Variants in ST6GALNAC5 observed in about 807,000 individuals in gnomAD.
The protein encoded by ST6GALNAC5 is alpha-N-acetylgalactosaminide alpha-2,6-sialyltransferase 5.
Under a neutral mutation model 33.6 loss-of-function variants are expected in ST6GALNAC5, and 27 were observed. That is an observed-to-expected ratio of 0.80 (90% confidence interval 0.59 to 1.11). The LOEUF (loss-of-function observed/expected upper bound fraction) is 1.11, where lower values mean the gene tolerates loss of function less well. Among genes scored for constraint, ST6GALNAC5 ranks in the 50% least tolerant of loss-of-function variants. ST6GALNAC5 has a pLI of 0.00. For synonymous variants in ST6GALNAC5, 194 were observed against 171.2 expected (o/e 1.13, Z -1.04); for missense variants, 428 against 454.0 (o/e 0.94, Z 0.52).
intron 2 of ST6GALNAC5, among the ~76,000 whole-genome samples, chr1:77,006,878 A>G (rs80232210): frequency 1.3e-5 from 2 of 152,244 alleles, no homozygotes; most frequent in African/African-American, 4.8e-5. Context: ...CTGTTCTCAG[A>G]TGGCCTCAGT....
intron 2 of ST6GALNAC5, among the ~76,000 whole-genome samples, chr1:76,968,055 T>G (rs1290196176): frequency 6.6e-6 from 1 of 152,158 alleles, no homozygotes; most frequent in South Asian, 2.1e-4. Context: ...GAATGTATAT[T>G]CTGTTGATTT....
chr1:76,910,791 T>C (rs1289626507), intron 2 of ST6GALNAC5, among the ~76,000 whole-genome samples: 1 of 152,018 alleles, frequency 6.6e-6, no homozygotes, highest in Non-Finnish European at 1.5e-5. Flanking sequence ...AGTGGAAATT[T>C]ATATGCCTTT....
chr1:76,881,448 A>G (rs1161352562), intron 2 of ST6GALNAC5, among the ~76,000 whole-genome samples: 1 of 152,158 alleles, frequency 6.6e-6, no homozygotes, highest in African/African-American at 2.4e-5. Context: ...TCTGAGCTGT[A>G]TGTTTTGTCT....
intron 2 of ST6GALNAC5, among the ~76,000 whole-genome samples, chr1:76,890,620 C>T (rs948416708): frequency 1.3e-5 from 2 of 150,510 alleles, no homozygotes; most frequent in African/African-American, 2.4e-5. Context: ...ATTTAAGAAA[C>T]ATTTTGAATG....
intron 2 of ST6GALNAC5, among the ~76,000 whole-genome samples, chr1:77,006,988 G>A (rs994290842): frequency 3.9e-5 from 6 of 152,158 alleles, no homozygotes; most frequent in African/African-American, 1.2e-4. Context: ...TGCTCCCAGG[G>A]TGGCAGGGTC....
chr1:77,062,429 C>T (rs1313825378), intron 4 of ST6GALNAC5, among the ~76,000 whole-genome samples: 3 of 151,910 alleles, frequency 2.0e-5, no homozygotes, highest in Non-Finnish European at 4.4e-5. Context: ...GTGCAAAGGC[C>T]CTGAAGTAGG....
At chr1:76,951,367 G>A (rs1346827250) in intron 2 of ST6GALNAC5, among the ~76,000 whole-genome samples, 1 of 152,090 alleles carries the variant, frequency 6.6e-6, no homozygotes, top group East Asian at 1.9e-4. Flanking sequence ...ATGTGTGTGT[G>A]TCAAGGACAG....
rs953179974 is a variant in ST6GALNAC5, at chr1:76,911,039, G to A, written c.261+42297G>A. On this transcript the variant is annotated intron_variant, in intron 2 of 4. Transcript: ENST00000477717. The stretch of plus-strand genomic sequence containing the variant: ...TCAGCTCTTAAAAACTGCACTTGCT[G>A]TTAGAAGACAGAACATACACTCAGG... Among the ~76,000 whole-genome samples, 34 of 152,158 alleles carry A rather than the reference G, an allele frequency of 2.2e-4. 1 individual carries two copies. Among genetic ancestry groups the A allele is most frequent in the Middle Eastern group, 3.4e-3 (1 of 294 alleles).
rs1412728250 is a variant in ST6GALNAC5 at position 77,065,569 on chromosome 1, C to T, written c.*2363C>T. The T allele has an allele frequency of 2.0e-5, 3 of 152,052 alleles. No individual in the cohort carries two copies. The highest frequency in any genetic ancestry group is 6.6e-5 in the Admixed American group (1 of 15,252). 9.4% of individuals were successfully genotyped at this position (152,052 alleles called of 1,614,324 possible). ...CACTTGCAAAGTGGTTTTATTACAG[C>T]GTTAAAGAAAATGACTAGAATTCTG... On this transcript the variant is annotated 3_prime_UTR_variant, in exon 5 of 5. Transcript: ENST00000477717.
chr1:76,996,832 A>G (rs149251912), intron 2 of ST6GALNAC5, among the ~76,000 whole-genome samples: 334 of 152,270 alleles, frequency 2.2e-3, no homozygotes, highest in Admixed American at 5.0e-3. Flanking sequence ...AATAACCTGC[A>G]AAGGTGTGAG....
chr1:77,000,726 C>A, intron 2 of ST6GALNAC5, among the ~76,000 whole-genome samples: 1 of 150,080 alleles, frequency 6.7e-6, no homozygotes, highest in Admixed American at 6.6e-5. Context: ...CCAGTTTTCC[C>A]AGCACCATTT....
chr1:77,060,890 G>A (rs1161321274), intron 4 of ST6GALNAC5, among the ~76,000 whole-genome samples: 1 of 152,098 alleles, frequency 6.6e-6, no homozygotes, highest in East Asian at 1.9e-4. Flanking sequence ...AGTGATTTGT[G>A]ATGGAATAAA....
At chr1:76,914,904 A>G (rs2100287443) in intron 2 of ST6GALNAC5, among the ~76,000 whole-genome samples, 1 of 152,280 alleles carries the variant, frequency 6.6e-6, no homozygotes, top group South Asian at 2.1e-4. Context: ...GTGAACAGGC[A>G]ACCTACAAAA....
chr1:77,057,635 G>A (rs766086126), intron 4 of ST6GALNAC5, among the ~76,000 whole-genome samples: 12 of 152,170 alleles, frequency 7.9e-5, no homozygotes, highest in African/African-American at 1.4e-4. Context: ...CGGATATATG[G>A]AGGGTACCTC....
At chr1:77,002,758 C>T (rs1301206631) in intron 2 of ST6GALNAC5, among the ~76,000 whole-genome samples, 2 of 150,254 alleles carry the variant, frequency 1.3e-5, no homozygotes, top group Non-Finnish European at 3.0e-5. Flanking sequence ...ACCCAGTAGT[C>T]ATTCAGGAGC....
intron 2 of ST6GALNAC5, among the ~76,000 whole-genome samples, chr1:76,873,846 T>G (rs1443343782): frequency 6.6e-6 from 1 of 152,228 alleles, no homozygotes; most frequent in Admixed American, 6.5e-5. Context: ...GTTTTTGAAC[T>G]AATCATAGCC....
At chr1:76,876,382 G>A (rs996246608) in intron 2 of ST6GALNAC5, among the ~76,000 whole-genome samples, 9 of 152,330 alleles carry the variant, frequency 5.9e-5, no homozygotes, top group African/African-American at 2.2e-4. Flanking sequence ...GGCCCATTGA[G>A]CAATGACAGG....
intron 2 of ST6GALNAC5, among the ~76,000 whole-genome samples, chr1:77,029,017 G>C (rs1045391852): frequency 2.0e-5 from 3 of 152,150 alleles, no homozygotes; most frequent in Non-Finnish European, 2.9e-5. Flanking sequence ...CGTGGGTGGT[G>C]GTCCAGTGTG....
intron 2 of ST6GALNAC5, among the ~76,000 whole-genome samples, chr1:76,930,098 A>G (rs750573113): frequency 1.3e-5 from 2 of 152,166 alleles, no homozygotes; most frequent in Non-Finnish European, 2.9e-5. Flanking sequence ...GAGGCACAGC[A>G]TAGACTGGAG....
Sources: allele counts gnomAD v4.1 joint callset (sites outside exome capture counted in the v4.1 genomes callset), GRCh38; gene constraint gnomAD v4.1.1; transcripts MANE v1.5; gene names NCBI Gene and HGNC (gene_info 2026-07-23, HGNC 2026-07-21).